The following PCDHB3 variants were observed in gnomAD, a reference collection of about 807,000 sequenced individuals.
The protein encoded by PCDHB3 is protocadherin beta 3, also known as protocadherin beta-3.
For synonymous variants in PCDHB3, 479 were observed against 456.0 expected (o/e 1.05, Z -0.64); for missense variants, 967 against 1,012.1 (o/e 0.96, Z 0.60).
rs1751927041 is a variant in PCDHB3, at chr5:141,101,110, T to C, written c.461T>C (p.Leu154Ser). The C allele has an allele frequency of 6.2e-7, 1 of 1,614,064 alleles. No homozygotes were observed. The highest frequency in any genetic ancestry group is 2.2e-5 in the East Asian group (1 of 44,898). Residue 154 changes from leucine (L) to serine (S), a missense_variant, in exon 1 of 1, where the codon TTG (leucine) becomes TCG (serine). Transcript: ENST00000231130. Reference protein sequence around the residue: ...ESTLPGTVIPLGNAEDLDVGR... With the variant: ...ESTLPGTVIPSGNAEDLDVGR... Reference sequence around the variant, plus strand: ...ACTCTGCCAGGAACAGTAATTCCTTTGGGAAATGCTGAGGACTTGGATGTG... The same window carrying C: ...ACTCTGCCAGGAACAGTAATTCCTTCGGGAAATGCTGAGGACTTGGATGTG...
At position 141,101,990 on chromosome 5, in the gene PCDHB3, C is replaced by T. The variant is rs781985512; in HGVS notation, c.1341C>T (p.Asn447=). The T allele has an allele frequency of 6.2e-7, 1 of 1,613,414 alleles. No individual in the cohort carries two copies. The highest frequency in any genetic ancestry group is 2.2e-5 in the East Asian group (1 of 44,884). ...ITVLVSDVND[N]APAFTQISYT... The stretch of plus-strand genomic sequence containing the variant: ...TGCTGGTCTCCGACGTCAATGACAA[C>T]GCCCCCGCCTTCACCCAAATCTCCT... Residue 447 remains asparagine, a synonymous_variant, in exon 1 of 1, where the codon AAC becomes AAT. Transcript: ENST00000231130.
rs997727499 is a variant in PCDHB3 at position 141,103,319 on chromosome 5, C to T, written c.*279C>T. 4 of 298,826 alleles carry T rather than the reference C, an allele frequency of 1.3e-5. No individual in the cohort carries two copies. Among genetic ancestry groups the T allele is most frequent in the African/African-American group, 2.2e-5 (1 of 46,018 alleles). 18.5% of individuals were successfully genotyped at this position (298,826 alleles called of 1,614,324 possible). A position where few individuals can be genotyped will look rare whatever the true frequency, so the allele number is the denominator to read the frequency against. The stretch of plus-strand genomic sequence containing the variant: ...TTTCTGTAGTTAATCCTTGCATATT[C>T]TCCTTTCATCCTGGCTTGCCAACGC... On this transcript the variant is annotated 3_prime_UTR_variant, in exon 1 of 1. Coordinates refer to ENST00000231130, the MANE Select transcript of PCDHB3 (RefSeq NM_018937.5).
chr5:141,101,810 C>A lies in PCDHB3; in HGVS notation c.1161C>A (p.Asn387Lys), dbSNP rs1751950479. The change falls in exon 1 of 1, where the codon AAC becomes AAA. Residue 387 changes from asparagine (N) to lysine (K), a missense_variant. Transcript: ENST00000231130. ...DNGRVMCSIE[N>K]NLPFFLKPSV... is the part of the protein sequence containing the mutation. ...GAAGAGTGATGTGTTCCATTGAGAA[C>A]AATCTCCCCTTCTTCCTGAAACCAT... 2 of 1,614,012 alleles carry A rather than the reference C, an allele frequency of 1.2e-6. No homozygotes were observed. Among genetic ancestry groups the A allele is most frequent in the South Asian group, 2.2e-5 (2 of 91,080 alleles).
Position 141,101,103 on chromosome 5 carries a change from A to G in PCDHB3, c.454A>G (p.Ile152Val), listed in dbSNP as rs782422768. ...ILESTLPGTV[I>V]PLGNAEDLDV... ...AGAAAGCACTCTGCCAGGAACAGTAATTCCTTTGGGAAATGCTGAGGACTT... is the reference window on the plus strand; with the variant it reads ...AGAAAGCACTCTGCCAGGAACAGTAGTTCCTTTGGGAAATGCTGAGGACTT... Residue 152 changes from isoleucine to valine, a missense_variant, in exon 1 of 1, where the codon ATT becomes GTT. Transcript: ENST00000231130. 2 of 1,614,198 alleles carry G rather than the reference A, an allele frequency of 1.2e-6. No individual in the cohort carries two copies. Among genetic ancestry groups the G allele is most frequent in the Non-Finnish European group, 1.7e-6 (2 of 1,180,026 alleles).
Position 141,101,893 on chromosome 5 carries a change from C to T in PCDHB3, c.1244C>T (p.Ser415Phe). 6.2e-7 allele frequency: 1 copy of T among 1,614,166 alleles called. No homozygotes were observed. The highest frequency in any genetic ancestry group is 8.5e-7 in the Non-Finnish European group (1 of 1,180,022). The change falls in exon 1 of 1, where the codon TCC becomes TTC. Residue 415 changes from serine to phenylalanine, a missense_variant. Coordinates refer to ENST00000231130, the MANE Select transcript of PCDHB3 (RefSeq NM_018937.5). ...GGCGCGCTGGACAGAGAGACCAGATCCGAGTACAACATTACCATCACTATC... is the reference window on the plus strand; with the variant it reads ...GGCGCGCTGGACAGAGAGACCAGATTCGAGTACAACATTACCATCACTATC... ...SEGALDRETR[S>F]EYNITITITD...
rs1751952993 is a variant in PCDHB3, at chr5:141,101,876, G to A, written c.1227G>A (p.Leu409=). The change falls in exon 1 of 1, where the codon CTG becomes CTA. Residue 409 remains leucine, a synonymous_variant. Transcript: ENST00000231130. ...NFYTLVSEGA[L]DRETRSEYNI... The stretch of plus-strand genomic sequence containing the variant: ...ACACCCTAGTGTCAGAAGGCGCGCT[G>A]GACAGAGAGACCAGATCCGAGTACA... 6.2e-7 allele frequency: 1 copy of A among 1,614,146 alleles called. No homozygotes were observed.
rs782541237 is a variant in PCDHB3 at position 141,101,739 on chromosome 5, G to C, written c.1090G>C (p.Val364Leu). 6.2e-7 allele frequency: 1 copy of C among 1,614,068 alleles called. No individual in the cohort carries two copies. The highest frequency in any genetic ancestry group is 1.7e-5 in the Admixed American group (1 of 60,028). Residue 364 changes from valine (V) to leucine (L), a missense_variant, in exon 1 of 1, where the codon GTA becomes CTA. Coordinates refer to ENST00000231130, the MANE Select transcript of PCDHB3 (RefSeq NM_018937.5). ...TATTCCTGAGAACTCGGGAGAGACT[G>C]TACTGGCTGTTTTCAGTGTTTCTGA... ...SPIPENSGET[V>L]LAVFSVSDLD...
rs782605641 is a variant in PCDHB3, at chr5:141,102,256, G to C, written c.1607G>C (p.Arg536Pro). The change falls in exon 1 of 1, where the codon CGT becomes CCT. Residue 536 changes from arginine (R) to proline (P), a missense_variant. Arg to Pro is a moderately radical substitution (Grantham distance 103). Coordinates refer to ENST00000231130, the MANE Select transcript of PCDHB3 (RefSeq NM_018937.5). ...GAGTTCCGCGTGGGCGCCACAGACC[G>C]TGGCTCCCCGGCTTTGAGCAGCGAG... Reference protein sequence around the residue: ...AFEFRVGATDRGSPALSSEAL... With the variant: ...AFEFRVGATDPGSPALSSEAL... The C allele has an allele frequency of 3.1e-6, 5 of 1,612,214 alleles. No individual in the cohort carries two copies. Among genetic ancestry groups the C allele is most frequent in the East Asian group, 2.2e-5 (1 of 44,866 alleles).
rs199816089 is a variant in PCDHB3 at position 141,102,031 on chromosome 5, G to A, written c.1382G>A (p.Arg461His). The change falls in exon 1 of 1, where the codon CGC becomes CAC. Residue 461 changes from arginine (R) to histidine (H), a missense_variant. Transcript: ENST00000231130. ...CAAATCTCCTACACCCTGTTCGTCC[G>A]CGAGAACAACAGCCCCGCCCTGCAC... ...FTQISYTLFV[R>H]ENNSPALHIG... 3 of 1,613,092 alleles carry A rather than the reference G, an allele frequency of 1.9e-6. No homozygotes were observed. In the East Asian group the frequency reaches 6.7e-5, roughly 36 times the overall value.
Position 141,101,276 on chromosome 5 carries a change from C to A in PCDHB3, c.627C>A (p.Ser209Arg). The A allele has an allele frequency of 6.2e-7, 1 of 1,614,218 alleles. No individual in the cohort carries two copies. ...ATCCGGAGGAGCAGCCGGAACTCAG[C>A]TTAACGCTCACCGCGCTGGACGGCG... ...ALDPEEQPEL[S>R]LTLTALDGGS... The change falls in exon 1 of 1, where the codon AGC becomes AGA. Residue 209 changes from serine to arginine, a missense_variant. Physicochemically the swap from Ser to Arg is moderately radical, Grantham distance 110. Coordinates refer to ENST00000231130, the MANE Select transcript of PCDHB3 (RefSeq NM_018937.5).
In PCDHB3 at chr5:141,101,631, T is replaced by G; in HGVS notation, c.982T>G (p.Ser328Ala). 6.2e-7 allele frequency: 1 copy of G among 1,614,090 alleles called. No homozygotes were observed. The highest frequency in any genetic ancestry group is 2.2e-5 in the East Asian group (1 of 44,878). ...DIEAKDGGGLSGKSTVIVQVV... is the reference protein window; with the variant it reads ...DIEAKDGGGLAGKSTVIVQVV... The stretch of plus-strand genomic sequence containing the variant: ...CGAGGCCAAGGATGGCGGAGGCCTA[T>G]CCGGAAAGTCTACAGTCATAGTCCA... Residue 328 changes from serine to alanine, a missense_variant, in exon 1 of 1, where the codon TCC (serine) becomes GCC (alanine). Physicochemically the swap from Ser to Ala is moderately conservative, Grantham distance 99 (BLOSUM62 1). Transcript: ENST00000231130.
chr5:141,101,151 C>T lies in PCDHB3; in HGVS notation c.502C>T (p.Gln168Ter). The T allele has an allele frequency of 1.2e-6, 2 of 1,614,106 alleles. No individual in the cohort carries two copies. Among genetic ancestry groups the T allele is most frequent in the Non-Finnish European group, 1.7e-6 (2 of 1,180,028 alleles). Residue 168 changes from glutamine (Q) to a stop codon, truncating the protein, a stop_gained, in exon 1 of 1, where the codon CAA becomes TAA. Transcript: ENST00000231130. LOFTEE classifies it low-confidence loss of function (END_TRUNC). Reference protein sequence around the residue: ...EDLDVGRNSLQNYTITPNSHF... With the variant: ...EDLDVGRNSL ...CTTGGATGTGGGAAGAAACAGCCTC[C>T]AAAACTACACTATCACTCCGAATTC...
Position 141,102,575 on chromosome 5 carries a change from G to T in PCDHB3, c.1926G>T (p.Val642=). 2 of 1,608,584 alleles carry T rather than the reference G, an allele frequency of 1.2e-6. No homozygotes were observed. Among genetic ancestry groups the T allele is most frequent in the Non-Finnish European group, 1.7e-6 (2 of 1,179,692 alleles). ...ACGCGGCCAAGCACAGGCTGGTGGT[G>T]CTGGTCAAGGACAATGGCGAGCCTC... ...ERDAAKHRLV[V]LVKDNGEPPR... Residue 642 remains valine, a synonymous_variant, in exon 1 of 1, where the codon GTG becomes GTT. Transcript: ENST00000231130.
rs1752018613 is a variant in PCDHB3 at position 141,103,738 on chromosome 5, A to G, written c.*698A>G. The G allele has an allele frequency of 6.6e-6, 1 of 152,220 alleles. No homozygotes were observed. Among genetic ancestry groups the G allele is most frequent in the South Asian group, 2.1e-4 (1 of 4,836 alleles). The allele number at this position is 152,220 out of a possible 1,614,324, so 9.4% of individuals were successfully genotyped here. On this transcript the variant is annotated 3_prime_UTR_variant, in exon 1 of 1. Coordinates refer to ENST00000231130, the MANE Select transcript of PCDHB3 (RefSeq NM_018937.5). ...TATTGGCCAAAATATGGACACAAAT[A>G]TAGACTAATATGGGTAATTACCCTT...
rs376214907 is a variant in PCDHB3 at position 141,103,009 on chromosome 5, C to T, written c.2360C>T (p.Pro787Leu). Reference sequence around the variant, plus strand: ...GCAGAGAGGGTTAGCGAGGCAAATCCCAGTTTCAGGAAGAGCTTTGAATTC... The same window carrying T: ...GCAGAGAGGGTTAGCGAGGCAAATCTCAGTTTCAGGAAGAGCTTTGAATTC... Reference protein sequence around the residue: ...QGAERVSEANPSFRKSFEFS With the variant: ...QGAERVSEANLSFRKSFEFS Residue 787 changes from proline to leucine, a missense_variant, in exon 1 of 1, where the codon CCC (proline) becomes CTC (leucine). Physicochemically the swap from Pro to Leu is moderately conservative, Grantham distance 98. Transcript: ENST00000231130. The T allele has an allele frequency of 3.1e-6, 5 of 1,605,332 alleles. No homozygotes were observed. The African/African-American group carries it at 5.4e-5, about 17-fold the overall frequency.
Position 141,102,779 on chromosome 5 carries a change from G to A in PCDHB3, c.2130G>A (p.Ala710=), listed in dbSNP as rs531712675. The change falls in exon 1 of 1, where the codon GCG becomes GCA. Residue 710 remains alanine, a synonymous_variant. Transcript: ENST00000231130. ...TCTTTTCGGTGCTCCTGTTCGTGGCGGTGCGGCTGTGCAGGAGGAGCAGGG... is the reference window on the plus strand; with the variant it reads ...TCTTTTCGGTGCTCCTGTTCGTGGCAGTGCGGCTGTGCAGGAGGAGCAGGG... The part of the protein sequence containing the change: ...LFLFSVLLFV[A]VRLCRRSRAA... 4.3e-6 allele frequency: 7 copies of A among 1,612,238 alleles called. No homozygotes were observed. The South Asian group carries it at 4.4e-5, about 10-fold the overall frequency.
rs1554272669 is a variant in PCDHB3 at position 141,102,753 on chromosome 5, C to G, written c.2104C>G (p.Leu702Val). 2 of 1,612,232 alleles carry G rather than the reference C, an allele frequency of 1.2e-6. No individual in the cohort carries two copies. The highest frequency in any genetic ancestry group is 1.7e-6 in the Non-Finnish European group (2 of 1,179,720). ...VALASVSSLF[L>V]FSVLLFVAVR... ...ATTGGCCTCGGTGTCTTCGCTCTTC[C>G]TCTTTTCGGTGCTCCTGTTCGTGGC... Residue 702 changes from leucine to valine, a missense_variant, in exon 1 of 1, where the codon CTC becomes GTC. Leu to Val is a conservative substitution (Grantham distance 32). Transcript: ENST00000231130.
At position 141,102,110 on chromosome 5, in the gene PCDHB3, C is replaced by T. The variant is rs1554272478; in HGVS notation, c.1461C>T (p.Thr487=). The T allele has an allele frequency of 6.2e-7, 1 of 1,612,952 alleles. No homozygotes were observed. The stretch of plus-strand genomic sequence containing the variant: ...ACTCAGGCACCAACGCCCAGGTAAC[C>T]TACTCGCTGCTGCCGCCCCAGGACC... The part of the protein sequence containing the change: ...DRDSGTNAQV[T]YSLLPPQDPH... Residue 487 remains threonine (T), a synonymous_variant, in exon 1 of 1, where the codon ACC becomes ACT. Coordinates refer to ENST00000231130, the MANE Select transcript of PCDHB3 (RefSeq NM_018937.5).
In PCDHB3 at chr5:141,101,925, C is replaced by CTGGG; in HGVS notation, c.1277_1280dup (p.Thr428GlyfsTer20). The CTGGG allele has an allele frequency of 6.2e-7, 1 of 1,614,136 alleles. No individual in the cohort carries two copies. Among genetic ancestry groups the CTGGG allele is most frequent in the South Asian group, 1.1e-5 (1 of 91,090 alleles). ...CAACATTACCATCACTATCACTGACCTGGGGACACCCAGGCTGAAAACCAA... is the reference window on the plus strand; with the variant it reads ...CAACATTACCATCACTATCACTGACCTGGGTGGGGACACCCAGGCTGAAAACCAA... On this transcript the variant is annotated frameshift_variant, in exon 1 of 1. Coordinates refer to ENST00000231130, the MANE Select transcript of PCDHB3 (RefSeq NM_018937.5). LOFTEE classifies it low-confidence loss of function (END_TRUNC).
Sources: allele counts gnomAD v4.1 joint callset, GRCh38; gene constraint gnomAD v4.1.1; transcripts MANE v1.5; gene names NCBI Gene and HGNC (gene_info 2026-07-23, HGNC 2026-07-21).